The following RIPOR2 variants were observed in gnomAD, a reference collection of about 807,000 sequenced individuals.
RIPOR2 encodes the protein rho family-interacting cell polarization regulator 2.
A neutral mutation model predicts 114.5 loss-of-function variants in RIPOR2; 39 were observed. That is an observed-to-expected ratio of 0.34 (90% confidence interval 0.26 to 0.44). The LOEUF is 0.44. Among genes scored for constraint, RIPOR2 ranks in the 20% least tolerant of loss-of-function variants. The pLI, the probability that RIPOR2 is intolerant of heterozygous loss-of-function variation, is 1.00. For missense variants in RIPOR2, 1,007 were observed against 1,255.1 expected (o/e 0.80, Z 2.99); for synonymous variants, 445 against 484.4 (o/e 0.92, Z 1.07).
chr6:25,038,924 G>T (rs1457103762), intron 1 of RIPOR2, among the ~76,000 whole-genome samples: 1 of 152,250 alleles, frequency 6.6e-6, no homozygotes, highest in Non-Finnish European at 1.5e-5. Context: ...CCAGGGCCTG[G>T]CCCCCGTGGG....
chr6:25,030,221 T>C (rs745623286), intron 1 of RIPOR2, among the ~76,000 whole-genome samples: 4 of 152,022 alleles, frequency 2.6e-5, no homozygotes, highest in South Asian at 4.1e-4. Flanking sequence ...AAGAAAAAAA[T>C]GTAGGGTTGA....
chr6:24,926,963 TACCACCACCACC>T (rs112559389), intron 1 of RIPOR2, among the ~76,000 whole-genome samples: 3 of 105,050 alleles, frequency 2.9e-5, no homozygotes, highest in South Asian at 3.3e-4. Context: ...ATCATCTCAC[TACCACCACCACC>T]ACCACCACCA....
At chr6:25,039,567 T>C (rs1006426416) in intron 1 of RIPOR2, among the ~76,000 whole-genome samples, 6 of 152,226 alleles carry the variant, frequency 3.9e-5, no homozygotes, top group Non-Finnish European at 7.3e-5. Flanking sequence ...AGTATTCAGA[T>C]GTTAGTCTCA....
intron 1 of RIPOR2, among the ~76,000 whole-genome samples, chr6:24,882,130 G>T (rs1766406386): frequency 6.6e-6 from 1 of 152,202 alleles, no homozygotes. Context: ...ACCAGTAGAA[G>T]TAGTAAAAGT....
chr6:24,953,981 T>G (rs780151234), intron 1 of RIPOR2, among the ~76,000 whole-genome samples: 18 of 152,214 alleles, frequency 1.2e-4, no homozygotes, highest in Non-Finnish European at 2.5e-4. Flanking sequence ...ATGAACCTAG[T>G]GATGGGAAAG....
chr6:24,937,985 C>T (rs1227364837), upstream of RIPOR2, among the ~76,000 whole-genome samples: 3 of 152,222 alleles, frequency 2.0e-5, no homozygotes, highest in Admixed American at 1.3e-4. Flanking sequence ...TATTCCACTT[C>T]AAAAAGTTAG....
intron 1 of RIPOR2, among the ~76,000 whole-genome samples, chr6:24,884,307 G>T (rs1766612600): frequency 6.6e-6 from 1 of 152,192 alleles, no homozygotes; most frequent in Non-Finnish European, 1.5e-5. Flanking sequence ...TACTCGGGAG[G>T]CTGAGGCAGG....
intron 1 of RIPOR2, among the ~76,000 whole-genome samples, chr6:24,961,392 T>A (rs963647714): frequency 1.3e-5 from 2 of 152,104 alleles, no homozygotes; most frequent in African/African-American, 2.4e-5. Flanking sequence ...ACCTAAGAAG[T>A]CCCTAGCTTG....
At chr6:24,917,524 C>CT (rs922815966) in intron 1 of RIPOR2, among the ~76,000 whole-genome samples, 4 of 151,902 alleles carry the variant, frequency 2.6e-5, no homozygotes, top group Admixed American at 2.0e-4. Context: ...ATGTAGTAGG[C>CT]TTTTTTTTCT....
At chr6:24,857,056 G>C (rs1350583971) in intron 8 of RIPOR2, among the ~76,000 whole-genome samples, 1 of 152,166 alleles carries the variant, frequency 6.6e-6, no homozygotes, top group African/African-American at 2.4e-5. Flanking sequence ...TCTGATTGTA[G>C]CAATAATGTA....
intron 15 of RIPOR2, among the ~76,000 whole-genome samples, chr6:24,832,860 T>C (rs1760791659): frequency 6.6e-6 from 1 of 152,254 alleles, no homozygotes; most frequent in African/African-American, 2.4e-5. Context: ...GAGCTGTCTC[T>C]TGATAACAAA....
At chr6:25,000,408 T>C (rs1049702117) in intron 1 of RIPOR2, among the ~76,000 whole-genome samples, 2 of 152,162 alleles carry the variant, frequency 1.3e-5, no homozygotes, top group African/African-American at 4.8e-5. Context: ...CTGTGCACTG[T>C]TGTATCTCCT....
chr6:24,810,879 A>G (rs1045722393), intron 20 of RIPOR2, among the ~76,000 whole-genome samples: 10 of 151,986 alleles, frequency 6.6e-5, no homozygotes, highest in African/African-American at 2.2e-4. Flanking sequence ...ATCTTGGCTC[A>G]CTGCAACTTC....
chr6:24,956,552 C>T (rs969285002), intron 1 of RIPOR2, among the ~76,000 whole-genome samples: 4 of 152,058 alleles, frequency 2.6e-5, no homozygotes, highest in African/African-American at 4.8e-5. Context: ...TCATTTAATC[C>T]TCATGACACG....
intron 1 of RIPOR2, among the ~76,000 whole-genome samples, chr6:24,916,242 G>T (rs995224028): frequency 1.1e-4 from 17 of 151,938 alleles, no homozygotes; most frequent in Non-Finnish European, 2.1e-4. Flanking sequence ...ATCCTGCCTG[G>T]CCCATGAAGC....
chr6:24,985,889 G>T (rs1422276799), intron 1 of RIPOR2, among the ~76,000 whole-genome samples: 1 of 152,046 alleles, frequency 6.6e-6, no homozygotes, highest in Non-Finnish European at 1.5e-5. Flanking sequence ...GCATTCCAGG[G>T]GTATAGAAAG....
chr6:24,906,079 G>A (rs1561758123), intron 1 of RIPOR2, among the ~76,000 whole-genome samples: 1 of 152,068 alleles, frequency 6.6e-6, no homozygotes, highest in Non-Finnish European at 1.5e-5. Context: ...ATGGTCATTG[G>A]CCAACCTTGT....
chr6:24,953,888 TC>T (rs1205530652), intron 1 of RIPOR2, among the ~76,000 whole-genome samples: 1 of 109,288 alleles, frequency 9.2e-6, no homozygotes, highest in Non-Finnish European at 2.1e-5. Flanking sequence ...TTCTAAAGGC[TC>T]CCCTGTCATG....
rs1036443799 is a variant in RIPOR2, at chr6:24,941,122, C to G, written c.77-65305G>C. Among the ~76,000 whole-genome samples, 5 of 152,242 alleles carry G rather than the reference C, an allele frequency of 3.3e-5. No individual in the cohort carries two copies. In the South Asian group the frequency reaches 6.2e-4, roughly 19 times the overall value. ...CAGGCGCATCATTAGGCTGCAGGAG[C>G]CACACTTAGAGTCACTTACTGAAGG... On this transcript the variant is annotated intron_variant, in intron 1 of 13. Coordinates refer to the RIPOR2 transcript ENST00000510784.
Sources: allele counts gnomAD v4.1 joint callset (sites outside exome capture counted in the v4.1 genomes callset), GRCh38; gene constraint gnomAD v4.1.1; transcripts MANE v1.5; gene names NCBI Gene and HGNC (gene_info 2026-07-23, HGNC 2026-07-21).